Variants in PIAS2 observed in about 807,000 individuals in gnomAD.
PIAS2 encodes protein inhibitor of activated STAT 2.
In PIAS2, 19 loss-of-function variants were observed where a neutral mutation model predicts 69.7. The observed-to-expected ratio is 0.27, with a 90% confidence interval of 0.19 to 0.40. The LOEUF is 0.40. Ranked by LOEUF, PIAS2 falls within the 10% of genes least tolerant of loss-of-function variation. The pLI is 1.00. For missense variants in PIAS2, 624 were observed against 757.0 expected, an observed-to-expected ratio of 0.82 and a Z score of 2.06; for synonymous variants, 261 against 263.2, an observed-to-expected ratio of 0.99 and a Z score of 0.08.
intron 2 of PIAS2, among the ~76,000 whole-genome samples, chr18:46,871,147 T>C (rs2050301625): frequency 6.6e-6 from 1 of 152,074 alleles, no homozygotes; most frequent in Non-Finnish European, 1.5e-5. Flanking sequence ...TGCTAAGAAA[T>C]TACAAAAGAT....
chr18:46,870,506 C>T (rs1307858419), intron 2 of PIAS2, among the ~76,000 whole-genome samples: 1 of 146,668 alleles, frequency 6.8e-6, no homozygotes, highest in Non-Finnish European at 1.5e-5. Flanking sequence ...GTCCCAGCTA[C>T]TTGGGAGGCT....
At position 46,820,953 on chromosome 18, in the gene PIAS2, C is replaced by T; in HGVS notation, c.1628G>A (p.Ser543Asn). The T allele has an allele frequency of 5.0e-6, 8 of 1,611,516 alleles. No homozygotes were observed. Among genetic ancestry groups the T allele is most frequent in the Non-Finnish European group, 6.8e-6 (8 of 1,178,692 alleles). The stretch of plus-strand genomic sequence containing the variant: ...CATACCTGGCAAATCTGATGACATG[C>T]TTGATATTGGCGTATGGTGGAATGG... Reference protein sequence around the residue: ...SVPFHHTPISSMSSDLPGLDF... With the variant: ...SVPFHHTPISNMSSDLPGLDF... The change falls in exon 12 of 14, where the codon AGC (serine) becomes AAC (asparagine). Residue 543 changes from serine (S) to asparagine (N), a missense_variant. Physicochemically the swap from Ser to Asn is conservative, Grantham distance 46. Around this residue, in one of 3 missense-constraint regions of PIAS2, gnomAD observed 241 missense variants for 257.3 expected, o/e 0.94. Coordinates refer to ENST00000585916, the MANE Select transcript of PIAS2 (RefSeq NM_004671.5).
At chr18:46,825,247 A>G (rs1397096159) in intron 11 of PIAS2, among the ~76,000 whole-genome samples, 1 of 152,208 alleles carries the variant, frequency 6.6e-6, no homozygotes, top group Non-Finnish European at 1.5e-5. Flanking sequence ...GGAGGGGATC[A>G]CAGAGATGAT....
At chr18:46,882,040 T>C (rs1420393925) in intron 2 of PIAS2, among the ~76,000 whole-genome samples, 4 of 150,550 alleles carry the variant, frequency 2.7e-5, no homozygotes, top group African/African-American at 7.3e-5. Context: ...GAGGTTGCAG[T>C]GAGCCAAGAT....
Position 46,804,321 on chromosome 18 carries a change from G to C in PIAS2, c.*8112C>G, listed in dbSNP as rs1278696512. The C allele has an allele frequency of 6.6e-6, 1 of 152,178 alleles. No individual in the cohort carries two copies. The highest frequency in any genetic ancestry group is 6.5e-5 in the Admixed American group (1 of 15,272). 9.4% of individuals were successfully genotyped at this position (152,178 alleles called of 1,614,324 possible). A position where few individuals can be genotyped will look rare whatever the true frequency, so the allele number is the denominator to read the frequency against. ...ATAGTTAGGGAACACTTGCTTTTTAGATAGAATGATCAAGAAAGGCCTCTG... is the reference window on the plus strand; with the variant it reads ...ATAGTTAGGGAACACTTGCTTTTTACATAGAATGATCAAGAAAGGCCTCTG... On this transcript the variant is annotated 3_prime_UTR_variant, in exon 14 of 14. Transcript: ENST00000585916.
chr18:46,896,339 A>G (rs1018715784), intron 1 of PIAS2, among the ~76,000 whole-genome samples: 1 of 152,110 alleles, frequency 6.6e-6, no homozygotes, highest in East Asian at 1.9e-4. Flanking sequence ...TTAAATACAG[A>G]TAAAAGTGGT....
intron 2 of PIAS2, 113 bp downstream of exon 2, chr18:46,890,467 G>C (rs556331440): frequency 1.7e-5 from 11 of 660,726 alleles, no homozygotes; most frequent in Middle Eastern, 4.2e-4. Flanking sequence ...TCAAACATTC[G>C]GCATTGATGC....
intron 2 of PIAS2, among the ~76,000 whole-genome samples, chr18:46,866,123 G>A (rs762086452): frequency 6.6e-6 from 1 of 152,162 alleles, no homozygotes; most frequent in Non-Finnish European, 1.5e-5. Flanking sequence ...TAAAAGAAGA[G>A]AGTGCAAAAT....
At chr18:46,830,275 G>A (rs1275890976) in intron 9 of PIAS2, among the ~76,000 whole-genome samples, 2 of 151,956 alleles carry the variant, frequency 1.3e-5, no homozygotes, top group African/African-American at 4.8e-5. Flanking sequence ...ATGGGGTAGG[G>A]GAAGGAGGGA....
intron 1 of PIAS2, among the ~76,000 whole-genome samples, chr18:46,896,048 G>A (rs1451200284): frequency 6.6e-6 from 1 of 151,028 alleles, no homozygotes; most frequent in African/African-American, 2.4e-5. Context: ...CTCCCTAAAT[G>A]CTTCTATTAT....
At chr18:46,817,455 A>G (rs1438561324) in intron 12 of PIAS2, 1 of 958,908 alleles carries the variant, frequency 1.0e-6, no homozygotes, top group African/African-American at 1.8e-5. Context: ...CCCACTGAGG[A>G]TCCTATTTTT....
At chr18:46,884,913 C>T (rs2511021) in intron 2 of PIAS2, among the ~76,000 whole-genome samples, 13 of 123,000 alleles carry the variant, frequency 1.1e-4, no homozygotes, top group Middle Eastern at 8.8e-3. Context: ...GCAAATCTGT[C>T]TCAAAAAAAA....
chr18:46,817,106 T>C, intron 12 of PIAS2: 1 of 948,442 alleles, frequency 1.1e-6, no homozygotes, highest in Non-Finnish European at 1.3e-6. Context: ...AGTAACTTCT[T>C]ATCTTTTCAG....
intron 1 of PIAS2, among the ~76,000 whole-genome samples, chr18:46,899,828 T>G (rs184565404): frequency 2.4e-3 from 337 of 142,052 alleles, no homozygotes; most frequent in Admixed American, 3.6e-3. Flanking sequence ...GGTAGTCAAC[T>G]AAACAAACCT....
intron 1 of PIAS2, among the ~76,000 whole-genome samples, chr18:46,900,358 A>C (rs2055616807): frequency 6.6e-6 from 1 of 151,060 alleles, no homozygotes; most frequent in Non-Finnish European, 1.5e-5. Flanking sequence ...GTGAGACTCC[A>C]TCTTTAAAAA....
chr18:46,916,447 T>C (rs1461466292), intron 1 of PIAS2, among the ~76,000 whole-genome samples: 1 of 152,142 alleles, frequency 6.6e-6, no homozygotes, highest in East Asian at 1.9e-4. Flanking sequence ...ACATCTCATT[T>C]ATGTCGCCAG....
At chr18:46,816,464 G>A (rs2041547569) in intron 12 of PIAS2, 1 of 983,936 alleles carries the variant, frequency 1.0e-6, no homozygotes, top group Non-Finnish European at 1.2e-6. Context: ...GAAAATTGTT[G>A]CTACAGATTT....
chr18:46,886,946 A>C lies in PIAS2; in HGVS notation c.499+3634T>G, dbSNP rs568989186. Among the ~76,000 whole-genome samples, 80 of 152,334 alleles carry C rather than the reference A, an allele frequency of 5.3e-4. 2 individuals carry two copies. In the South Asian group the frequency reaches 0.016, roughly 30 times the overall value. On this transcript the variant is annotated intron_variant, in intron 2 of 13. Coordinates refer to ENST00000585916, the MANE Select transcript of PIAS2 (RefSeq NM_004671.5). Reference sequence around the variant, plus strand: ...AGATACAAGTTTTCATCTAAAAATCACAGAGATCTGTTTTCAATAGCACCC... The same window carrying C: ...AGATACAAGTTTTCATCTAAAAATCCCAGAGATCTGTTTTCAATAGCACCC...
At chr18:46,905,986 A>C (rs1476396807) in intron 1 of PIAS2, 2 of 152,158 alleles carry the variant, frequency 1.3e-5, no homozygotes, top group African/African-American at 4.8e-5. Context: ...AAAAAAAGGA[A>C]CAGATAGATC....
Sources: gnomAD v4.1 joint callset for allele counts (sites outside exome capture counted in the v4.1 genomes callset) on GRCh38, gnomAD v4.1.1 for gene constraint, gnomAD v4.1.1 regional missense constraint, MANE v1.5 for transcripts, NCBI Gene and HGNC (gene_info 2026-07-23, HGNC 2026-07-21) for gene names.